ADAM29: variants seen among roughly 807,000 people sequenced by gnomAD.
ADAM29 encodes disintegrin and metalloproteinase domain-containing protein 29.
For synonymous variants in ADAM29, 367 were observed against 342.3 expected, an observed-to-expected ratio of 1.07 and a Z score of -0.80; for missense variants, 969 against 1,001.8, an observed-to-expected ratio of 0.97 and a Z score of 0.44.
At chr4:174,934,339 A>G (rs1188371862) in intron 3 of ADAM29, among the ~76,000 whole-genome samples, 2 of 152,118 alleles carry the variant, frequency 1.3e-5, no homozygotes, top group Non-Finnish European at 2.9e-5. Context: ...TATAATGCAT[A>G]TATCATAAAG....
At chr4:174,962,245 C>T (rs1018347070) in intron 4 of ADAM29, among the ~76,000 whole-genome samples, 1 of 152,138 alleles carries the variant, frequency 6.6e-6, no homozygotes, top group African/African-American at 2.4e-5. Context: ...GGTGCAGTGG[C>T]TCATGCCTGT....
In ADAM29 at chr4:174,976,378, A is replaced by G; in HGVS notation, c.853A>G (p.Thr285Ala). The G allele has an allele frequency of 1.9e-6, 3 of 1,600,032 alleles. No individual in the cohort carries two copies. The highest frequency in any genetic ancestry group is 2.6e-6 in the Non-Finnish European group (3 of 1,174,660). Reference sequence around the variant, plus strand: ...CATTACGCCCCGGATGCAACATGACACCTCACATCTTTTCACAACTCTAGG... The same window carrying G: ...CATTACGCCCCGGATGCAACATGACGCCTCACATCTTTTCACAACTCTAGG... ...ENITPRMQHD[T>A]SHLFTTLGLR... Residue 285 changes from threonine (T) to alanine (A), a missense_variant, in exon 5 of 5, where the codon ACC (threonine) becomes GCC (alanine). By Grantham distance (58) the Thr-to-Ala change is moderately conservative. Coordinates refer to ENST00000359240, the MANE Select transcript of ADAM29 (RefSeq NM_014269.4).
chr4:174,952,335 A>T (rs1482889969), intron 4 of ADAM29, among the ~76,000 whole-genome samples: 1 of 144,586 alleles, frequency 6.9e-6, no homozygotes, highest in Non-Finnish European at 1.5e-5. Context: ...AAAATTTAGT[A>T]TTACAGTGCA....
At chr4:174,934,319 A>G (rs555133872) in intron 3 of ADAM29, among the ~76,000 whole-genome samples, 18 of 152,292 alleles carry the variant, frequency 1.2e-4, no homozygotes, top group South Asian at 2.1e-4. Context: ...ATATACCAGC[A>G]TTATTATGAT....
chr4:174,945,701 T>C (rs1449610763), intron 4 of ADAM29, among the ~76,000 whole-genome samples: 2 of 152,298 alleles, frequency 1.3e-5, no homozygotes, highest in South Asian at 4.1e-4. Context: ...AGTTTCAATA[T>C]TATGCATGTG....
chr4:174,974,413 A>C lies in ADAM29; in HGVS notation c.-180-933A>C, dbSNP rs115285560. Among the ~76,000 whole-genome samples, 1,209 of 152,274 alleles carry C rather than the reference A, an allele frequency of 7.9e-3. 16 individuals carry two copies. Among genetic ancestry groups the C allele is most frequent in the African/African-American group, 0.027 (1,142 of 41,558 alleles). On this transcript the variant is annotated intron_variant, in intron 4 of 4. Coordinates refer to ENST00000359240, the MANE Select transcript of ADAM29 (RefSeq NM_014269.4). ...CTCAAGTCCAAAGGTCACTAGTCAG[A>C]ATTTTTCTTTTTATTAACCATCCTT...
chr4:174,950,250 G>A (rs1745092703), intron 4 of ADAM29, among the ~76,000 whole-genome samples: 2 of 152,126 alleles, frequency 1.3e-5, no homozygotes, highest in South Asian at 4.2e-4. Context: ...ATTCTTTATA[G>A]GTAAGCACCA....
At chr4:174,921,861 T>G (rs1235981338) in intron 2 of ADAM29, among the ~76,000 whole-genome samples, 1 of 152,154 alleles carries the variant, frequency 6.6e-6, no homozygotes, top group Non-Finnish European at 1.5e-5. Flanking sequence ...TTCCAAGCTA[T>G]AGGTAAATTT....
chr4:174,976,222 G>T lies in ADAM29; in HGVS notation c.697G>T (p.Asp233Tyr). 1 of 1,604,986 alleles carries T rather than the reference G, an allele frequency of 6.2e-7. No homozygotes were observed. Reference sequence around the variant, plus strand: ...TCTATATGTTATTGTTAATATAGTGGATTCCATTTTGGATGTCATTGGTGT... The same window carrying T: ...TCTATATGTTATTGTTAATATAGTGTATTCCATTTTGGATGTCATTGGTGT... ...EDLYVIVNIV[D>Y]SILDVIGVKV... Residue 233 changes from aspartate to tyrosine, a missense_variant, in exon 5 of 5, where the codon GAT (aspartate) becomes TAT (tyrosine). Transcript: ENST00000359240.
intron 4 of ADAM29, among the ~76,000 whole-genome samples, chr4:174,947,797 T>C (rs1026054230): frequency 4.6e-5 from 7 of 152,174 alleles, no homozygotes; most frequent in Admixed American, 1.3e-4. Flanking sequence ...AATAACTTTG[T>C]TAGTTTTCTG....
At chr4:174,923,801 G>A (rs1743329429) in intron 2 of ADAM29, 1 of 152,178 alleles carries the variant, frequency 6.6e-6, no homozygotes. Context: ...GGATATAACT[G>A]TATTTATATG....
At chr4:174,959,790 A>G (rs1009355108) in intron 4 of ADAM29, among the ~76,000 whole-genome samples, 2 of 151,902 alleles carry the variant, frequency 1.3e-5, no homozygotes, top group African/African-American at 4.8e-5. Flanking sequence ...AAGTTCATTA[A>G]ACACATTCAT....
intron 4 of ADAM29, among the ~76,000 whole-genome samples, chr4:174,965,130 A>G (rs1746072675): frequency 6.6e-6 from 1 of 152,136 alleles, no homozygotes; most frequent in Non-Finnish European, 1.5e-5. Flanking sequence ...ATTTATAAAG[A>G]AAAGAGGTTT....
chr4:174,971,492 T>C (rs1746476926), intron 4 of ADAM29, among the ~76,000 whole-genome samples: 1 of 152,196 alleles, frequency 6.6e-6, no homozygotes, highest in South Asian at 2.1e-4. Context: ...TGTTCTTGGT[T>C]GGCAGTTTCT....
chr4:174,923,560 T>TATATAC (rs70947473), intron 2 of ADAM29, among the ~76,000 whole-genome samples: 1 of 115,892 alleles, frequency 8.6e-6, no homozygotes, highest in African/African-American at 3.5e-5. Flanking sequence ...TATATATATA[T>TATATAC]ACACACACAC....
intron 2 of ADAM29, among the ~76,000 whole-genome samples, chr4:174,921,421 C>T (rs1232662840): frequency 2.0e-5 from 3 of 152,132 alleles, no homozygotes; most frequent in Non-Finnish European, 4.4e-5. Flanking sequence ...TGTTGCTGGA[C>T]TACTCTTTAT....
intron 4 of ADAM29, among the ~76,000 whole-genome samples, chr4:174,941,852 A>AT (rs1300381119): frequency 1.3e-5 from 2 of 151,970 alleles, no homozygotes; most frequent in South Asian, 2.1e-4. Context: ...CTCACCTGTG[A>AT]TAAAAAAAAG....
At position 174,962,279 on chromosome 4, in the gene ADAM29, G is replaced by C. The variant is rs1055314755; in HGVS notation, c.-180-13067G>C. Among the ~76,000 whole-genome samples, 10 of 152,110 alleles carry C rather than the reference G, an allele frequency of 6.6e-5. No individual in the cohort carries two copies. The East Asian group carries it at 1.7e-3, about 27-fold the overall frequency. On this transcript the variant is annotated intron_variant, in intron 4 of 4. Coordinates refer to ENST00000359240, the MANE Select transcript of ADAM29 (RefSeq NM_014269.4). ...GTAATCCCAGTACTTTGGGAGGCCG[G>C]GGCGGGCAGATCATGAGGTCAGGAA...
chr4:174,968,827 G>A (rs550571439), intron 4 of ADAM29, among the ~76,000 whole-genome samples: 5 of 151,314 alleles, frequency 3.3e-5, no homozygotes, highest in Admixed American at 6.6e-5. Context: ...AATTTAGATC[G>A]TGTTTGTCTT....
Sources: gnomAD v4.1 joint callset for allele counts (sites outside exome capture counted in the v4.1 genomes callset) on GRCh38, gnomAD v4.1.1 for gene constraint, MANE v1.5 for transcripts, NCBI Gene and HGNC (gene_info 2026-07-23, HGNC 2026-07-21) for gene names.